CUBN: variants seen among roughly 807,000 people sequenced by gnomAD.
The protein encoded by CUBN is cubilin, also known as 460 kDa receptor.
CUBN carries 282 observed loss-of-function variants against 405.3 expected under a neutral mutation model. The observed-to-expected ratio is 0.70, with a 90% confidence interval of 0.63 to 0.77. The LOEUF is 0.77. Among genes scored for constraint, CUBN ranks in the 30% least tolerant of loss-of-function variants. The probability of loss-of-function intolerance (pLI) is 0.00; values close to 1 mark genes in which losing one functional copy is unlikely to be tolerated. For synonymous variants in CUBN, 1,684 were observed against 1,617.0 expected (o/e 1.04, Z -0.99); for missense variants, 4,514 against 4,475.2 (o/e 1.01, Z -0.25).
chr10:17,102,564 G>A (rs1836518770), intron 13 of CUBN, among the ~76,000 whole-genome samples: 1 of 149,344 alleles, frequency 6.7e-6, no homozygotes, highest in Non-Finnish European at 1.5e-5. Flanking sequence ...TAGGATCACA[G>A]GCGTGAGCCA....
At chr10:16,836,571 G>A (rs540070486) in intron 62 of CUBN, among the ~76,000 whole-genome samples, 189 bp from the exon 63 acceptor site, 50 of 152,372 alleles carry the variant, frequency 3.3e-4, no homozygotes, top group East Asian at 1.2e-3. Flanking sequence ...CCTTCCCAGA[G>A]GGGCAGGAGG....
At chr10:16,890,963 A>C (rs1564406150) in intron 54 of CUBN, among the ~76,000 whole-genome samples, 1 of 152,216 alleles carries the variant, frequency 6.6e-6, no homozygotes, top group Non-Finnish European at 1.5e-5. Flanking sequence ...ATCGTGGTGC[A>C]TGAAGAAAGT....
intron 25 of CUBN, 96 bp from the exon 26 acceptor site, chr10:17,044,079 ATTTATTATGTATATATATT>A: frequency 1.8e-6 from 1 of 555,088 alleles, no homozygotes. Flanking sequence ...AAATATATAT[ATTTATTATGTATATATATT>A]ATAAATAAAT....
chr10:16,829,140 C>A, intron 65 of CUBN, 100 bp from the exon 66 acceptor site: 2 of 840,588 alleles, frequency 2.4e-6, no homozygotes, highest in South Asian at 1.4e-5. Context: ...GGTGCTGAGA[C>A]TCTGCAAGAA....
At chr10:16,990,795 TA>T (rs1202561911) in intron 28 of CUBN, among the ~76,000 whole-genome samples, 5 of 151,914 alleles carry the variant, frequency 3.3e-5, no homozygotes, top group Admixed American at 6.6e-5. Context: ...CTTCGTACTT[TA>T]AAAAAAAGTC....
At chr10:16,839,956 T>C (rs1313695821) in intron 62 of CUBN, among the ~76,000 whole-genome samples, 1 of 151,656 alleles carries the variant, frequency 6.6e-6, no homozygotes, top group African/African-American at 2.4e-5. Context: ...CTCAGCAAAC[T>C]ATCGCAAGGA....
chr10:16,923,388 G>A (rs1486422501), intron 43 of CUBN, among the ~76,000 whole-genome samples: 3 of 152,136 alleles, frequency 2.0e-5, no homozygotes, highest in Non-Finnish European at 2.9e-5. Flanking sequence ...GTCAAAAAAT[G>A]TTCACAAAAG....
At chr10:16,979,844 G>C (rs7093100) in intron 31 of CUBN, among the ~76,000 whole-genome samples, 84,841 of 152,034 alleles carry the variant, frequency 0.56, 24,780 homozygotes, top group Middle Eastern at 0.67. Flanking sequence ...TAACAAATGG[G>C]ATCTAATTAA....
At chr10:17,086,958 A>G (rs1836123567) in intron 15 of CUBN, among the ~76,000 whole-genome samples, 1 of 152,224 alleles carries the variant, frequency 6.6e-6, no homozygotes, top group Admixed American at 6.5e-5. Flanking sequence ...ATTTCAAGAT[A>G]ACTCACTTTT....
At chr10:17,063,104 C>T (rs1349108996) in intron 22 of CUBN, among the ~76,000 whole-genome samples, 2 of 152,178 alleles carry the variant, frequency 1.3e-5, no homozygotes, top group African/African-American at 4.8e-5. Flanking sequence ...TCTCCTGACA[C>T]CAGCCCTTCC....
At chr10:16,918,993 T>A (rs1841965427) in intron 44 of CUBN, among the ~76,000 whole-genome samples, 193 bp from the exon 45 acceptor site, 1 of 152,336 alleles carries the variant, frequency 6.6e-6, no homozygotes, top group African/African-American at 2.4e-5. Context: ...ATTCTTTTAT[T>A]AGTAGCTCAA....
At chr10:17,102,694 C>T (rs1437944415) in intron 13 of CUBN, among the ~76,000 whole-genome samples, 1 of 150,278 alleles carries the variant, frequency 6.7e-6, no homozygotes, top group Admixed American at 6.7e-5. Flanking sequence ...ACAAACTCCG[C>T]CTCCTGGATT....
intron 31 of CUBN, among the ~76,000 whole-genome samples, chr10:16,979,903 G>A (rs1436158683): frequency 2.6e-5 from 4 of 152,098 alleles, no homozygotes; most frequent in African/African-American, 9.7e-5. Flanking sequence ...GAGTGAACAG[G>A]CAATCTACAG....
At chr10:16,873,326 C>A (rs746926303) in intron 58 of CUBN, among the ~76,000 whole-genome samples, 15 of 152,062 alleles carry the variant, frequency 9.9e-5, no homozygotes, top group Non-Finnish European at 1.9e-4. Flanking sequence ...ATAGGTAAGA[C>A]TGGGAAGAAA....
intron 63 of CUBN, 24 bp downstream of exon 63, chr10:16,836,211 A>C: frequency 1.2e-6 from 2 of 1,605,388 alleles, no homozygotes; most frequent in South Asian, 1.1e-5. Context: ...TTTTTTGAAT[A>C]AAAGATGAAG....
intron 45 of CUBN, among the ~76,000 whole-genome samples, chr10:16,918,112 C>A (rs1441895657): frequency 6.6e-6 from 1 of 152,046 alleles, no homozygotes; most frequent in East Asian, 1.9e-4. Context: ...AGGTGTGAGA[C>A]CGTATTTCTG....
intron 59 of CUBN, among the ~76,000 whole-genome samples, chr10:16,860,538 C>G (rs1045546853): frequency 4.1e-4 from 63 of 152,210 alleles, no homozygotes; most frequent in Non-Finnish European, 1.9e-4. Flanking sequence ...ACTCTCTTAT[C>G]TGACTACCTA....
rs763687345 is a variant in CUBN at position 16,899,151 on chromosome 10, T to C, written c.8443A>G (p.Thr2815Ala). Residue 2815 changes from threonine (T) to alanine (A), a missense_variant, in exon 54 of 67, where the codon ACA becomes GCA. This residue lies in a region of CUBN where 1,186 missense variants were observed against 1,186.9 expected (regional missense o/e 1.00). Transcript: ENST00000377833. ...TGAGGCCAGTGAGGGGATCTGATTGTACCATTATCAGAATGAAATATTCCA... is the reference window on the plus strand; with the variant it reads ...TGAGGCCAGTGAGGGGATCTGATTGCACCATTATCAGAATGAAATATTCCA... ...CGGIFHSDNGTIRSPHWPQNF... is the reference protein window; with the variant it reads ...CGGIFHSDNGAIRSPHWPQNF... The C allele has an allele frequency of 6.8e-6, 11 of 1,613,940 alleles. No homozygotes were observed. Among genetic ancestry groups the C allele is most frequent in the African/African-American group, 1.3e-5 (1 of 74,924 alleles).
At position 16,925,778 on chromosome 10, in the gene CUBN, C is replaced by T. The variant is rs2131582721; in HGVS notation, c.6272-4G>A. 6.2e-7 allele frequency: 1 copy of T among 1,613,672 alleles called. No individual in the cohort carries two copies. Among genetic ancestry groups the T allele is most frequent in the Non-Finnish European group, 8.5e-7 (1 of 1,179,698 alleles). ...GCATGCAAATATCCACCGCAGCCTT[C>T]CCACAAAGAAACAAAGGTCGGTTAT... On this transcript the variant is annotated splice_polypyrimidine_tract_variant and splice_region_variant and intron_variant, in intron 41 of 66. Transcript: ENST00000377833.
Sources: gnomAD v4.1 joint callset for allele counts (sites outside exome capture counted in the v4.1 genomes callset) on GRCh38, gnomAD v4.1.1 for gene constraint, gnomAD v4.1.1 regional missense constraint, MANE v1.5 for transcripts, NCBI Gene and HGNC (gene_info 2026-07-23, HGNC 2026-07-21) for gene names.